The following FH variants were observed in gnomAD, a reference collection of about 807,000 sequenced individuals.
FH encodes the protein fumarate hydratase, mitochondrial.
FH carries 22 observed loss-of-function variants against 49.4 expected under a neutral mutation model. That is an observed-to-expected ratio of 0.45 (90% CI 0.32 to 0.64). FH has a LOEUF of 0.64. FH is among the 30% of genes least tolerant of loss of function. The pLI, the probability that FH is intolerant of heterozygous loss-of-function variation, is 0.05. For missense variants in FH, 526 were observed against 641.5 expected, an observed-to-expected ratio of 0.82 and a Z score of 1.95; for synonymous variants, 208 against 223.0, an observed-to-expected ratio of 0.93 and a Z score of 0.60.
At position 241,500,361 on chromosome 1, in the gene FH, T is replaced by C. The variant is rs1659738447; in HGVS notation, c.1390+76A>G. 2.9e-6 allele frequency: 4 copies of C among 1,402,478 alleles called. No individual in the cohort carries two copies. In the South Asian group the frequency reaches 4.6e-5, roughly 16 times the overall value. 86.9% of individuals were successfully genotyped at this position (1,402,478 alleles called of 1,614,324 possible). A position where few individuals can be genotyped will look rare whatever the true frequency, so the allele number is the denominator to read the frequency against. ...GAAATTTGCTGTTCTCAAACACTGA[T>C]CCACTTGTCTCTTAAAAATGGTTTA... On this transcript the variant is annotated intron_variant, in intron 9 of 9. Transcript: ENST00000366560.
At chr1:241,516,656 T>TA (rs916556563) in intron 2 of FH, among the ~76,000 whole-genome samples, 1 of 98,920 alleles carries the variant, frequency 1.0e-5, no homozygotes, top group Non-Finnish European at 2.3e-5. Flanking sequence ...AAAATTAAAT[T>TA]AATTTTTTTT....
chr1:241,516,494 A>C (rs1222684633), intron 2 of FH, among the ~76,000 whole-genome samples: 3 of 152,114 alleles, frequency 2.0e-5, no homozygotes, highest in Non-Finnish European at 4.4e-5. Context: ...CAAAGCACAC[A>C]GGGGCCTGTG....
At chr1:241,509,815 ACACACACACG>A (rs1239350624) in intron 4 of FH, among the ~76,000 whole-genome samples, 61 of 150,340 alleles carry the variant, frequency 4.1e-4, no homozygotes, top group African/African-American at 1.4e-3. Flanking sequence ...ACACACACAC[ACACACACACG>A]CATGCACACA....
intron 9 of FH, 60 bp downstream of exon 9, chr1:241,500,377 A>G (rs1659738922): frequency 6.4e-7 from 1 of 1,551,982 alleles, no homozygotes; most frequent in Non-Finnish European, 8.9e-7. Context: ...TGTCTCTTAA[A>G]AATGGTTTAG....
chr1:241,515,454 C>G (rs1160545789), intron 2 of FH, among the ~76,000 whole-genome samples: 2 of 152,026 alleles, frequency 1.3e-5, no homozygotes, highest in African/African-American at 4.8e-5. Flanking sequence ...TAGGATTGGT[C>G]ACTACCCTTT....
chr1:241,500,598 T>TGA lies in FH; in HGVS notation c.1237-10_1237-9dup, dbSNP rs1553340717. On this transcript the variant is annotated splice_polypyrimidine_tract_variant and intron_variant, in intron 8 of 9. Transcript: ENST00000366560. ...GTGTAACACATTTTTAATCTTTGAG[T>TGA]GAGTGAGAGAGAGAGAGAGAGAGAG... 5.7e-6 allele frequency: 8 copies of TGA among 1,411,802 alleles called. No individual in the cohort carries two copies. The South Asian group carries it at 5.9e-5, about 10-fold the overall frequency. 87.5% of individuals were successfully genotyped at this position (1,411,802 alleles called of 1,614,324 possible).
chr1:241,506,202 T>TATTAGG, intron 5 of FH, 34 bp from the exon 6 acceptor site: 1 of 1,487,948 alleles, frequency 6.7e-7, no homozygotes, highest in Non-Finnish European at 9.3e-7. Flanking sequence ...TAAGAATAAG[T>TATTAGG]AATTCCTAAT....
intron 1 of FH, 168 bp downstream of exon 1, chr1:241,519,423 G>A: frequency 2.6e-6 from 2 of 781,582 alleles, no homozygotes; most frequent in Non-Finnish European, 3.8e-6. Context: ...CGGAAGAGGC[G>A]TCCCGAGGCC....
At chr1:241,511,367 T>A (rs1411726066) in intron 4 of FH, among the ~76,000 whole-genome samples, 2 of 152,220 alleles carry the variant, frequency 1.3e-5, no homozygotes, top group African/African-American at 4.8e-5. Context: ...CTTCTATTGT[T>A]TATAAGCCAG....
chr1:241,510,845 T>G (rs1434940559), intron 4 of FH, among the ~76,000 whole-genome samples: 1 of 152,108 alleles, frequency 6.6e-6, no homozygotes, highest in Non-Finnish European at 1.5e-5. Context: ...GAGGAAAAAT[T>G]ATAATTTTAC....
intron 7 of FH, among the ~76,000 whole-genome samples, chr1:241,503,065 C>G (rs1217583428): frequency 2.0e-5 from 3 of 152,122 alleles, no homozygotes; most frequent in Non-Finnish European, 4.4e-5. Flanking sequence ...TCTCTGGAAC[C>G]CCACTACCCT....
At chr1:241,519,081 C>G (rs1361219959) in intron 1 of FH, 2 of 155,226 alleles carry the variant, frequency 1.3e-5, no homozygotes, top group African/African-American at 4.8e-5. Flanking sequence ...GAAAGCAGTG[C>G]AGTGCCCCTT....
intron 5 of FH, 69 bp from the exon 6 acceptor site, chr1:241,506,237 T>G: frequency 2.5e-6 from 3 of 1,201,830 alleles, no homozygotes; most frequent in Non-Finnish European, 3.6e-6. Context: ...TCTAACTGCA[T>G]TAAATAGAAA....
rs758440879 is a variant in FH, at chr1:241,504,094, A to G, written c.1056T>C (p.Gly352=). Residue 352 remains glycine (G), a synonymous_variant, in exon 7 of 10, where the codon GGT becomes GGC. Coordinates refer to ENST00000366560, the MANE Select transcript of FH (RefSeq NM_000143.4). ...TTTCAGGCAAGATCAATTCTCCCAG[A>G]CCTGACCGAGGACCAGAACCCAAAA... is the stretch of plus-strand genomic sequence containing the variant. The part of the protein sequence containing the change: ...IRFLGSGPRS[G]LGELILPENE... The G allele has an allele frequency of 2.7e-5, 43 of 1,614,228 alleles. No homozygotes were observed. Among genetic ancestry groups the G allele is most frequent in the Non-Finnish European group, 3.6e-5 (42 of 1,180,034 alleles).
Position 241,497,715 on chromosome 1 carries a change from A to C in FH, c.*113T>G. The C allele has an allele frequency of 7.3e-5, 67 of 922,978 alleles. No individual in the cohort carries two copies. The highest frequency in any genetic ancestry group is 3.3e-4 in the Middle Eastern group (1 of 3,014). 57.2% of individuals were successfully genotyped at this position (922,978 alleles called of 1,614,324 possible). A position where few individuals can be genotyped will look rare whatever the true frequency, so the allele number is the denominator to read the frequency against. ...TATATACTGATCAAATTGCTCTGCT[A>C]GAGATGCTTAAGTTCAATAGCAGTT... On this transcript the variant is annotated 3_prime_UTR_variant, in exon 10 of 10. Transcript: ENST00000366560.
chr1:241,514,133 G>C (rs1169400366), intron 2 of FH, among the ~76,000 whole-genome samples: 1 of 151,882 alleles, frequency 6.6e-6, no homozygotes, highest in Non-Finnish European at 1.5e-5. Flanking sequence ...TGGATCCCAC[G>C]TTACATTATA....
At chr1:241,518,219 C>T (rs1250675366) in intron 1 of FH, among the ~76,000 whole-genome samples, 1 of 152,054 alleles carries the variant, frequency 6.6e-6, no homozygotes, top group East Asian at 1.9e-4. Flanking sequence ...GGTTAGAGGG[C>T]AAAAAGTACC....
At chr1:241,509,877 ATTAT>A (rs953252432) in intron 4 of FH, among the ~76,000 whole-genome samples, 2 of 152,120 alleles carry the variant, frequency 1.3e-5, no homozygotes, top group African/African-American at 4.8e-5. Flanking sequence ...AAAAAGATAC[ATTAT>A]TTATATATTT....
Position 241,497,690 on chromosome 1 carries a change from T to TA in FH, c.*137dup, listed in dbSNP as rs1358467627. The TA allele has an allele frequency of 2.5e-5, 18 of 709,130 alleles. No homozygotes were observed. The South Asian group carries it at 2.6e-4, about 10-fold the overall frequency. 43.9% of individuals were successfully genotyped at this position (709,130 alleles called of 1,614,324 possible). On this transcript the variant is annotated 3_prime_UTR_variant, in exon 10 of 10. Coordinates refer to ENST00000366560, the MANE Select transcript of FH (RefSeq NM_000143.4). The stretch of plus-strand genomic sequence containing the variant: ...TTAGACCTAGCACATCCTAGGGTTT[T>TA]ATATACTGATCAAATTGCTCTGCTA...
Sources: gnomAD v4.1 joint callset for allele counts (sites outside exome capture counted in the v4.1 genomes callset) on GRCh38, gnomAD v4.1.1 for gene constraint, MANE v1.5 for transcripts, NCBI Gene and HGNC (gene_info 2026-07-23, HGNC 2026-07-21) for gene names.